DOK6: variants seen among roughly 807,000 people sequenced by gnomAD.
DOK6 encodes the protein docking protein 6.
A neutral mutation model predicts 44.0 loss-of-function variants in DOK6; 22 were observed. That is an observed-to-expected ratio of 0.50 (90% CI 0.36 to 0.71). DOK6 has a LOEUF of 0.71. DOK6 is among the 30% of genes least tolerant of loss of function. The probability of loss-of-function intolerance (pLI) is 0.00; values close to 1 mark genes in which losing one functional copy is unlikely to be tolerated. For missense variants in DOK6, 340 were observed against 416.4 expected (o/e 0.82, Z 1.60); for synonymous variants, 166 against 145.5 (o/e 1.14, Z -1.01).
chr18:69,566,599 T>C (rs559021404), intron 2 of DOK6, among the ~76,000 whole-genome samples: 1 of 152,222 alleles, frequency 6.6e-6, no homozygotes, highest in African/African-American at 2.4e-5. Flanking sequence ...GTGGAGTGTC[T>C]GCTCTACGCT....
intron 1 of DOK6, among the ~76,000 whole-genome samples, chr18:69,505,891 T>G (rs1478138792): frequency 6.7e-6 from 1 of 148,922 alleles, no homozygotes; most frequent in Non-Finnish European, 1.5e-5. Context: ...ACTAGCAAAA[T>G]TAAACACAAA....
In DOK6 at chr18:69,752,472, A is replaced by C. The variant is rs1259176691; in HGVS notation, c.739-5284A>C. ...TTTTAGTTTTTAGTTCCAAAAGAGC[A>C]GAAATAAGTTAATGCCTTTCAGTAT... On this transcript the variant is annotated intron_variant, in intron 6 of 7. Transcript: ENST00000382713. Among the ~76,000 whole-genome samples the C allele has an allele frequency of 3.9e-5, 6 of 152,336 alleles. No homozygotes were observed. The East Asian group carries it at 7.7e-4, about 20-fold the overall frequency.
intron 6 of DOK6, among the ~76,000 whole-genome samples, chr18:69,747,477 T>C (rs1235732734): frequency 6.6e-6 from 1 of 152,194 alleles, no homozygotes; most frequent in Non-Finnish European, 1.5e-5. Context: ...TGCCAATACC[T>C]TCATAAAATT....
chr18:69,792,482 G>T (rs1228529981), intron 7 of DOK6, among the ~76,000 whole-genome samples: 1 of 151,704 alleles, frequency 6.6e-6, no homozygotes, highest in Non-Finnish European at 1.5e-5. Flanking sequence ...TCCTTTTTCA[G>T]ATTGTTTGCT....
chr18:69,782,114 AAG>A (rs1008678419), intron 7 of DOK6, among the ~76,000 whole-genome samples: 1 of 152,050 alleles, frequency 6.6e-6, no homozygotes, highest in African/African-American at 2.4e-5. Flanking sequence ...AGACTACAGA[AAG>A]AGTGGATGTT....
At chr18:69,785,653 C>T (rs750255345) in intron 7 of DOK6, among the ~76,000 whole-genome samples, 5 of 152,010 alleles carry the variant, frequency 3.3e-5, no homozygotes, top group Non-Finnish European at 7.4e-5. Flanking sequence ...CTTTTTGTTC[C>T]GTTGCCAGAT....
intron 3 of DOK6, among the ~76,000 whole-genome samples, chr18:69,617,426 GAA>G (rs1481843879): frequency 7.4e-6 from 1 of 135,712 alleles, no homozygotes; most frequent in Non-Finnish European, 1.6e-5. Flanking sequence ...AAAAGAAAAA[GAA>G]AGAAAGAGGG....
At chr18:69,654,184 A>T (rs1428240585) in intron 3 of DOK6, among the ~76,000 whole-genome samples, 2 of 152,248 alleles carry the variant, frequency 1.3e-5, no homozygotes, top group African/African-American at 4.8e-5. Flanking sequence ...AGAGCAAAAA[A>T]ATATATAAAT....
At chr18:69,419,750 G>A (rs1225564864) in intron 1 of DOK6, among the ~76,000 whole-genome samples, 1 of 152,158 alleles carries the variant, frequency 6.6e-6, no homozygotes, top group East Asian at 1.9e-4. Flanking sequence ...ACTATACACA[G>A]GAGGATACAA....
chr18:69,841,180 G>A, intron 7 of DOK6, 64 bp from the exon 8 acceptor site: 4 of 1,591,440 alleles, frequency 2.5e-6, no homozygotes, highest in Non-Finnish European at 3.4e-6. Context: ...ATAGATGATA[G>A]ATAGTGTATC....
At chr18:69,703,475 T>C (rs58930840) in intron 5 of DOK6, among the ~76,000 whole-genome samples, 101,397 of 152,020 alleles carry the variant, frequency 0.67, 34,243 homozygotes, top group East Asian at 0.89. Flanking sequence ...ATAGGAATTG[T>C]AATAAAATAC....
intron 1 of DOK6, among the ~76,000 whole-genome samples, chr18:69,561,951 A>T (rs1161133460): frequency 6.6e-6 from 1 of 152,184 alleles, no homozygotes; most frequent in East Asian, 1.9e-4. Context: ...TGCAATTTAA[A>T]TGAAGACATA....
chr18:69,558,912 G>A (rs537983762), intron 1 of DOK6, among the ~76,000 whole-genome samples: 204 of 152,008 alleles, frequency 1.3e-3, no homozygotes, highest in African/African-American at 4.6e-3. Flanking sequence ...TGCTATCAGA[G>A]GAAGCTGTAT....
At chr18:69,752,861 T>G (rs571989002) in intron 6 of DOK6, among the ~76,000 whole-genome samples, 8 of 152,146 alleles carry the variant, frequency 5.3e-5, no homozygotes, top group Non-Finnish European at 1.5e-5. Context: ...TGGATGGTGC[T>G]GCATATTACC....
At chr18:69,832,545 T>C (rs1456648517) in intron 7 of DOK6, 1 of 152,016 alleles carries the variant, frequency 6.6e-6, no homozygotes, top group Non-Finnish European at 1.5e-5. Flanking sequence ...CCTCATAGAG[T>C]AGGTTTGGAA....
chr18:69,708,336 G>A (rs151251840), intron 5 of DOK6, among the ~76,000 whole-genome samples: 145 of 152,226 alleles, frequency 9.5e-4, no homozygotes, highest in African/African-American at 3.2e-3. Context: ...GAATCAGACC[G>A]CTCCGACTCC....
intron 2 of DOK6, among the ~76,000 whole-genome samples, chr18:69,567,861 A>C (rs957587215): frequency 6.6e-6 from 1 of 152,194 alleles, no homozygotes; most frequent in East Asian, 1.9e-4. Flanking sequence ...CTGTCTCATC[A>C]GCAGCTTACT....
Position 69,774,133 on chromosome 18 carries a change from G to GATAT in DOK6, c.856+16280_856+16283dup, listed in dbSNP as rs111360276. Among the ~76,000 whole-genome samples the GATAT allele has an allele frequency of 7.6e-4, 51 of 66,896 alleles. 3 individuals are homozygous for GATAT. Among genetic ancestry groups the GATAT allele is most frequent in the Admixed American group, 2.1e-3 (10 of 4,770 alleles). 43.9% of individuals were successfully genotyped at this position (66,896 alleles called of 152,430 possible). A position where few individuals can be genotyped will look rare whatever the true frequency, so the allele number is the denominator to read the frequency against. ...TAGATTTATATAGATATATATATGA[G>GATAT]ATATATATATATATATATATATAAT... On this transcript the variant is annotated intron_variant, in intron 7 of 7. Transcript: ENST00000382713.
At chr18:69,812,013 T>G (rs1599338745) in intron 7 of DOK6, among the ~76,000 whole-genome samples, 2 of 152,086 alleles carry the variant, frequency 1.3e-5, no homozygotes, top group East Asian at 3.9e-4. Flanking sequence ...ACAAAAACTA[T>G]GAAGACTACA....
Sources: gnomAD v4.1 joint callset for allele counts (sites outside exome capture counted in the v4.1 genomes callset) on GRCh38, gnomAD v4.1.1 for gene constraint, MANE v1.5 for transcripts, NCBI Gene and HGNC (gene_info 2026-07-23, HGNC 2026-07-21) for gene names.